RASSF3: variants seen among roughly 807,000 people sequenced by gnomAD.
RASSF3 encodes ras association domain-containing protein 3.
Under a neutral mutation model 19.9 loss-of-function variants are expected in RASSF3, and 19 were observed. The ratio of observed to expected loss-of-function variants is 0.96; its 90% CI spans 0.67 to 1.40. RASSF3 has a LOEUF of 1.40. Ranked by LOEUF, RASSF3 falls within the 40% of genes most tolerant of loss-of-function variation. RASSF3 has a pLI of 0.00. For synonymous variants in RASSF3, 110 were observed against 104.2 expected, an observed-to-expected ratio of 1.06 and a Z score of -0.34; for missense variants, 306 against 289.8, an observed-to-expected ratio of 1.06 and a Z score of -0.41.
intron 1 of RASSF3, among the ~76,000 whole-genome samples, chr12:64,631,900 A>G (rs987369622): frequency 4.6e-5 from 7 of 151,928 alleles, no homozygotes; most frequent in African/African-American, 1.7e-4. Flanking sequence ...TTTAGATGAG[A>G]GGACTTCAAT....
chr12:64,645,720 T>C (rs546566478), intron 1 of RASSF3, among the ~76,000 whole-genome samples: 1 of 152,314 alleles, frequency 6.6e-6, no homozygotes, highest in South Asian at 2.1e-4. Context: ...TGTTTATTTG[T>C]GTAGATATTC....
At chr12:64,533,201 G>C (rs1020486781), upstream of RASSF3, 4 of 152,246 alleles carry the variant, frequency 2.6e-5, no homozygotes, top group Non-Finnish European at 5.9e-5. Context: ...GCCAGGCCTG[G>C]CCGGCTCAGC....
rs567102972 is a variant in RASSF3 at position 64,620,999 on chromosome 12, G to A, written c.111+10256G>A. Among the ~76,000 whole-genome samples the A allele has an allele frequency of 1.7e-4, 26 of 152,152 alleles. No homozygotes were observed. In the East Asian group the frequency reaches 3.3e-3, roughly 19 times the overall value. The stretch of plus-strand genomic sequence containing the variant: ...CACCCAGGCTGGAGTGTAATGGCGC[G>A]ATCTTGGCTTACTGCAACCTCCGCC... On this transcript the variant is annotated intron_variant, in intron 1 of 4. Coordinates refer to ENST00000542104, the MANE Select transcript of RASSF3 (RefSeq NM_178169.4).
intron 4 of RASSF3, among the ~76,000 whole-genome samples, chr12:64,693,212 C>T (rs2136226265): frequency 1.3e-5 from 2 of 149,454 alleles, no homozygotes; most frequent in Middle Eastern, 3.4e-3. Flanking sequence ...ACCACTGAGC[C>T]CATTTGGTGG....
upstream of RASSF3, among the ~76,000 whole-genome samples, chr12:64,610,213 G>T (rs1171311870): frequency 6.6e-6 from 1 of 152,150 alleles, no homozygotes; most frequent in Non-Finnish European, 1.5e-5. Flanking sequence ...TGCAGTTTCC[G>T]GGAGGTTGAG....
At chr12:64,670,039 T>C (rs576401698) in intron 1 of RASSF3, among the ~76,000 whole-genome samples, 2 of 152,198 alleles carry the variant, frequency 1.3e-5, no homozygotes, top group South Asian at 4.2e-4. Context: ...GTTTTTTTTT[T>C]TTAATGGATA....
At chr12:64,536,539 C>A (rs1868830998) in intron 1 of RASSF3, among the ~76,000 whole-genome samples, 1 of 152,044 alleles carries the variant, frequency 6.6e-6, no homozygotes, top group South Asian at 2.1e-4. Flanking sequence ...CATAGACACA[C>A]ATAAATAATA....
intron 2 of RASSF3, among the ~76,000 whole-genome samples, chr12:64,548,798 AT>A (rs1320237952): frequency 6.6e-6 from 1 of 152,208 alleles, no homozygotes; most frequent in African/African-American, 2.4e-5. Context: ...TTAAAATTCA[AT>A]TTTAAAGGGC....
intron 1 of RASSF3, among the ~76,000 whole-genome samples, chr12:64,648,765 G>A (rs567758148): frequency 1.3e-5 from 2 of 149,314 alleles, no homozygotes; most frequent in Admixed American, 1.3e-4. Context: ...ACAAGGATGA[G>A]CCACCAAGCC....
intron 2 of RASSF3, among the ~76,000 whole-genome samples, chr12:64,551,306 G>A (rs1869155812): frequency 6.6e-6 from 1 of 152,108 alleles, no homozygotes; most frequent in African/African-American, 2.4e-5. Context: ...GTATTTAATA[G>A]GCTCACTCCT....
rs552008855 is a variant in RASSF3, at chr12:64,550,280, G to GA, written c.294+8578dup. Among the ~76,000 whole-genome samples, 15 of 152,132 alleles carry GA rather than the reference G, an allele frequency of 9.9e-5. No individual in the cohort carries two copies. In the East Asian group the frequency reaches 2.7e-3, roughly 27 times the overall value. On this transcript the variant is annotated intron_variant, in intron 2 of 5. Coordinates refer to the RASSF3 transcript ENST00000637125. The stretch of plus-strand genomic sequence containing the variant: ...TAAGGGGAAAACAAGAAAGGGAAAG[G>GA]AAACGAGAAGGGGAAAGAAAGGGAG...
upstream of RASSF3, among the ~76,000 whole-genome samples, chr12:64,530,361 T>C (rs1397971462): frequency 6.6e-6 from 1 of 151,946 alleles, no homozygotes. Context: ...TAGGCTGGTC[T>C]TGAACTCCTG....
intron 1 of RASSF3, among the ~76,000 whole-genome samples, chr12:64,666,530 G>A (rs190743153): frequency 6.6e-6 from 1 of 152,242 alleles, no homozygotes; most frequent in Non-Finnish European, 1.5e-5. Context: ...CCTTCCATTA[G>A]GTGACTTCTT....
chr12:64,513,582 A>C (rs1868341820), intron 1 of RASSF3, among the ~76,000 whole-genome samples: 1 of 152,200 alleles, frequency 6.6e-6, no homozygotes, highest in Non-Finnish European at 1.5e-5. Context: ...TCCAGATTCA[A>C]TGTAAATCCT....
intron 1 of RASSF3, among the ~76,000 whole-genome samples, chr12:64,508,377 C>T (rs1868304562): frequency 6.6e-6 from 1 of 151,346 alleles, no homozygotes; most frequent in South Asian, 2.1e-4. Flanking sequence ...ATTAGCCGGG[C>T]ATGGTGGCTG....
At chr12:64,664,361 C>A (rs773327796) in intron 1 of RASSF3, among the ~76,000 whole-genome samples, 12 of 152,140 alleles carry the variant, frequency 7.9e-5, no homozygotes, top group Non-Finnish European at 1.8e-4. Context: ...ACCATAAATA[C>A]TTCTAGGTTA....
chr12:64,522,376 G>C (rs534705715), intron 1 of RASSF3, among the ~76,000 whole-genome samples: 1 of 152,204 alleles, frequency 6.6e-6, no homozygotes, highest in South Asian at 2.1e-4. Flanking sequence ...AATCAGCAGG[G>C]ACCCCTTTTC....
chr12:64,690,353 T>C (rs1227900258), intron 3 of RASSF3, among the ~76,000 whole-genome samples: 1 of 151,836 alleles, frequency 6.6e-6, no homozygotes, highest in Non-Finnish European at 1.5e-5. Flanking sequence ...AGCTAACTTT[T>C]GTATTTTTAG....
At chr12:64,589,652 C>T (rs1869882407) in intron 2 of RASSF3, among the ~76,000 whole-genome samples, 1 of 151,906 alleles carries the variant, frequency 6.6e-6, no homozygotes, top group Admixed American at 6.6e-5. Flanking sequence ...AGTGCAGTGG[C>T]TCATACCTGT....
Sources: allele counts gnomAD v4.1 joint callset (sites outside exome capture counted in the v4.1 genomes callset), GRCh38; gene constraint gnomAD v4.1.1; transcripts MANE v1.5; gene names NCBI Gene and HGNC (gene_info 2026-07-23, HGNC 2026-07-21).